The following UNC5D variants were observed in gnomAD, a reference collection of about 807,000 sequenced individuals.
UNC5D encodes the protein netrin receptor UNC5D.
A neutral mutation model predicts 105.4 loss-of-function variants in UNC5D; 39 were observed. That is an observed-to-expected ratio of 0.37 (90% confidence interval 0.29 to 0.48). The LOEUF (loss-of-function observed/expected upper bound fraction) is 0.48, where lower values mean the gene tolerates loss of function less well. Ranked by LOEUF, UNC5D falls within the 20% of genes least tolerant of loss-of-function variation. The probability of loss-of-function intolerance (pLI) is 0.98; values close to 1 mark genes in which losing one functional copy is unlikely to be tolerated. For missense variants in UNC5D, 991 were observed against 1,202.4 expected (o/e 0.82, Z 2.60); for synonymous variants, 452 against 450.4 (o/e 1.00, Z -0.04).
chr8:35,787,675 T>G (rs1215281816), intron 16 of UNC5D, among the ~76,000 whole-genome samples: 1 of 152,170 alleles, frequency 6.6e-6, no homozygotes, highest in Non-Finnish European at 1.5e-5. Context: ...TGGAATGCAG[T>G]GGTACAATCA....
intron 4 of UNC5D, among the ~76,000 whole-genome samples, chr8:35,624,832 C>G (rs1467419947): frequency 3.3e-5 from 5 of 152,200 alleles, no homozygotes; most frequent in Non-Finnish European, 5.9e-5. Context: ...CTTCTTCCCT[C>G]TCCACAGTCA....
At chr8:35,784,816 T>C (rs1267629241) in intron 16 of UNC5D, among the ~76,000 whole-genome samples, 1 of 151,488 alleles carries the variant, frequency 6.6e-6, no homozygotes, top group Middle Eastern at 3.4e-3. Context: ...AACATCTTAA[T>C]GACACTGCAA....
chr8:35,681,964 C>CT (rs986151068), intron 4 of UNC5D, among the ~76,000 whole-genome samples: 1 of 148,524 alleles, frequency 6.7e-6, no homozygotes, highest in Non-Finnish European at 1.5e-5. Context: ...AAGAGACGAC[C>CT]TTTTTTTGGG....
intron 1 of UNC5D, among the ~76,000 whole-genome samples, chr8:35,337,866 A>G (rs1003392279): frequency 5.3e-5 from 8 of 152,168 alleles, no homozygotes; most frequent in African/African-American, 1.9e-4. Flanking sequence ...ATAAATTATT[A>G]AAGGTTTGTG....
At chr8:35,478,257 C>A (rs1324761768) in intron 1 of UNC5D, among the ~76,000 whole-genome samples, 2 of 152,208 alleles carry the variant, frequency 1.3e-5, no homozygotes, top group Non-Finnish European at 2.9e-5. Context: ...GAGCCCACAT[C>A]AGAAAGTCAA....
intron 1 of UNC5D, among the ~76,000 whole-genome samples, chr8:35,425,277 A>G (rs1563405479): frequency 6.6e-6 from 1 of 152,194 alleles, no homozygotes; most frequent in East Asian, 1.9e-4. Context: ...TTGCCTCACC[A>G]AAATGCATGT....
chr8:35,520,399 C>G (rs551619625), intron 1 of UNC5D, among the ~76,000 whole-genome samples: 1 of 152,064 alleles, frequency 6.6e-6, no homozygotes, highest in African/African-American at 2.4e-5. Flanking sequence ...TTGCCAAGGG[C>G]TGGAATAAGG....
At chr8:35,326,817 T>C (rs1585591295) in intron 1 of UNC5D, among the ~76,000 whole-genome samples, 1 of 150,970 alleles carries the variant, frequency 6.6e-6, no homozygotes, top group Non-Finnish European at 1.5e-5. Flanking sequence ...ATGAGAAAAC[T>C]GATACAAAGG....
At chr8:35,715,733 C>A (rs1317332301) in intron 8 of UNC5D, among the ~76,000 whole-genome samples, 1 of 151,582 alleles carries the variant, frequency 6.6e-6, no homozygotes, top group Non-Finnish European at 1.5e-5. Flanking sequence ...TTTGAAGATG[C>A]AAGACCAAAA....
At chr8:35,787,403 T>C (rs1457316542) in intron 16 of UNC5D, among the ~76,000 whole-genome samples, 1 of 152,186 alleles carries the variant, frequency 6.6e-6, no homozygotes, top group Non-Finnish European at 1.5e-5. Flanking sequence ...ATCATTCTCA[T>C]GATGGACATA....
intron 1 of UNC5D, among the ~76,000 whole-genome samples, chr8:35,355,682 C>T (rs552983086): frequency 2.6e-5 from 4 of 152,150 alleles, no homozygotes; most frequent in Admixed American, 6.5e-5. Context: ...GAAACACAAT[C>T]GCCAATGTGG....
rs111381910 is a variant in UNC5D at position 35,681,298 on chromosome 8, GACTCTCA to G, written c.571-2243_571-2237del. Among the ~76,000 whole-genome samples, 1,174 of 152,258 alleles carry G rather than the reference GACTCTCA, an allele frequency of 7.7e-3. 17 individuals are homozygous for G. Among genetic ancestry groups the G allele is most frequent in the African/African-American group, 0.027 (1,140 of 41,556 alleles). ...TATAGTCATTGTCTTGAGACAATGT[GACTCTCA>G]ACTCTTATATTTTGGTGAGAATGTG... On this transcript the variant is annotated intron_variant, in intron 4 of 16. Transcript: ENST00000404895.
intron 4 of UNC5D, among the ~76,000 whole-genome samples, chr8:35,606,830 AGAATGCAGGGGACTTAT>A (rs1416193521): frequency 6.6e-6 from 1 of 152,252 alleles, no homozygotes; most frequent in African/African-American, 2.4e-5. Context: ...ATCTTTTGAG[AGAATGCAGGGGACTTAT>A]GAATTATAGG....
chr8:35,268,228 TC>T (rs773801338), intron 1 of UNC5D, among the ~76,000 whole-genome samples: 40 of 152,046 alleles, frequency 2.6e-4, no homozygotes, highest in South Asian at 1.0e-3. Flanking sequence ...ATCTTCTGAT[TC>T]TTTTTTAGAA....
At chr8:35,292,569 A>G (rs1347980025) in intron 1 of UNC5D, among the ~76,000 whole-genome samples, 1 of 152,218 alleles carries the variant, frequency 6.6e-6, no homozygotes, top group East Asian at 1.9e-4. Flanking sequence ...CCCACAGTGG[A>G]GTCAAATATC....
chr8:35,724,506 G>A (rs954022568), intron 9 of UNC5D, among the ~76,000 whole-genome samples: 4 of 152,148 alleles, frequency 2.6e-5, no homozygotes, highest in Admixed American at 6.5e-5. Flanking sequence ...GGTGACCAGC[G>A]GTGGGTGACT....
At chr8:35,533,288 C>G (rs1024627783) in intron 1 of UNC5D, among the ~76,000 whole-genome samples, 22 of 152,220 alleles carry the variant, frequency 1.4e-4, no homozygotes, top group Admixed American at 2.6e-4. Flanking sequence ...AGCTGCAGGT[C>G]TGTTGGAATA....
Position 35,578,722 on chromosome 8 carries a change from G to A in UNC5D, c.466+10481G>A, listed in dbSNP as rs1818274174. Among the ~76,000 whole-genome samples the A allele has an allele frequency of 2.6e-5, 4 of 152,068 alleles. No homozygotes were observed. In the South Asian group the frequency reaches 8.3e-4, roughly 32 times the overall value. ...GCAACACTGAACTGTAAGAGACTCTGGTTCTAGGAACAGAGAATAACTCGT... is the reference window on the plus strand; with the variant it reads ...GCAACACTGAACTGTAAGAGACTCTAGTTCTAGGAACAGAGAATAACTCGT... On this transcript the variant is annotated intron_variant, in intron 3 of 16. Coordinates refer to ENST00000404895, the MANE Select transcript of UNC5D (RefSeq NM_080872.4).
At chr8:35,384,246 A>G (rs936816969) in intron 1 of UNC5D, among the ~76,000 whole-genome samples, 2 of 151,842 alleles carry the variant, frequency 1.3e-5, no homozygotes, top group Non-Finnish European at 2.9e-5. Flanking sequence ...AAAAACTAAC[A>G]TTTAAAATAA....
Sources: gnomAD v4.1 joint callset for allele counts (sites outside exome capture counted in the v4.1 genomes callset) on GRCh38, gnomAD v4.1.1 for gene constraint, MANE v1.5 for transcripts, NCBI Gene and HGNC (gene_info 2026-07-23, HGNC 2026-07-21) for gene names.